CNOT10: variants seen among roughly 807,000 people sequenced by gnomAD.
CNOT10 encodes the protein CCR4-NOT transcription complex subunit 10, also known as CCR4-NOT transcription complex, subunit 10.
Under a neutral mutation model 94.6 loss-of-function variants are expected in CNOT10, and 30 were observed. The ratio of observed to expected loss-of-function variants is 0.32; its 90% CI spans 0.24 to 0.43. The LOEUF is 0.43. CNOT10 is among the 20% of genes least tolerant of loss of function. The probability of loss-of-function intolerance (pLI) is 1.00; values close to 1 mark genes in which losing one functional copy is unlikely to be tolerated. For missense variants in CNOT10, 759 were observed against 877.2 expected (o/e 0.87, Z 1.70); for synonymous variants, 289 against 301.6 (o/e 0.96, Z 0.43).
intron 1 of CNOT10, among the ~76,000 whole-genome samples, chr3:32,696,686 C>T (rs1697085741): frequency 6.6e-6 from 1 of 152,056 alleles, no homozygotes; most frequent in Admixed American, 6.6e-5. Context: ...GCAGCCTCCA[C>T]TTCCTGGGTT....
At chr3:32,737,030 A>G (rs1699218129) in intron 12 of CNOT10, among the ~76,000 whole-genome samples, 1 of 152,132 alleles carries the variant, frequency 6.6e-6, no homozygotes, top group East Asian at 1.9e-4. Flanking sequence ...GTTACATGGG[A>G]GGCCGGGCGA....
At chr3:32,708,547 A>G in intron 3 of CNOT10, 123 bp from the exon 4 acceptor site, 1 of 757,430 alleles carries the variant, frequency 1.3e-6, no homozygotes, top group Non-Finnish European at 2.1e-6. Context: ...GATACTGTTG[A>G]AAGTATGGAA....
intron 10 of CNOT10, among the ~76,000 whole-genome samples, chr3:32,731,935 AG>A (rs1358170173): frequency 6.6e-6 from 1 of 151,954 alleles, no homozygotes; most frequent in Non-Finnish European, 1.5e-5. Flanking sequence ...AAAATTAGCC[AG>A]GTTGTTGTGG....
intron 13 of CNOT10, chr3:32,753,594 G>A: frequency 1.3e-6 from 2 of 1,584,562 alleles, no homozygotes; most frequent in Non-Finnish European, 1.7e-6. Context: ...AAGGAGATGT[G>A]CCTACACCAA....
At chr3:32,703,741 G>A (rs1697479980) in intron 1 of CNOT10, 127 bp from the exon 2 acceptor site, 1 of 634,312 alleles carries the variant, frequency 1.6e-6, no homozygotes, top group Non-Finnish European at 2.8e-6. Flanking sequence ...CTTATTTCTG[G>A]AATTTTCCAT....
At chr3:32,764,649 C>T (rs1700589993) in intron 16 of CNOT10, 33 bp from the exon 17 acceptor site, 1 of 1,610,606 alleles carries the variant, frequency 6.2e-7, no homozygotes, top group Non-Finnish European at 8.5e-7. Context: ...TTGGCACGGC[C>T]TCTTCACCAG....
rs768794056 is a variant in CNOT10 at position 32,703,827 on chromosome 3, A to C, written c.23-41A>C. ...CTGGATAAGGAGGGACCACTGTACA[A>C]CTTTTATTTCTAAAGAACTGTAAAA... On this transcript the variant is annotated intron_variant, in intron 1 of 18. Transcript: ENST00000328834. The C allele has an allele frequency of 5.1e-5, 74 of 1,449,654 alleles. No homozygotes were observed. In the Middle Eastern group the frequency reaches 5.2e-4, roughly 10 times the overall value. The allele number at this position is 1,449,654 out of a possible 1,614,324, so 89.8% of individuals were successfully genotyped here. A position where few individuals can be genotyped will look rare whatever the true frequency, so the allele number is the denominator to read the frequency against.
Position 32,685,421 on chromosome 3 carries a change from C to T in CNOT10, c.-40C>T, listed in dbSNP as rs764289777. ...CCAGCCCGGCGGCGGGAGTCAGGGCCACGCCACCTGCAGGGAAGAACCCGA... is the reference window on the plus strand; with the variant it reads ...CCAGCCCGGCGGCGGGAGTCAGGGCTACGCCACCTGCAGGGAAGAACCCGA... On this transcript the variant is annotated 5_prime_UTR_variant, in exon 1 of 19. Coordinates refer to ENST00000328834, the MANE Select transcript of CNOT10 (RefSeq NM_015442.3). The T allele has an allele frequency of 6.3e-5, 97 of 1,549,746 alleles. 1 individual carries two copies. The Middle Eastern group carries it at 6.7e-4, about 11-fold the overall frequency.
intron 1 of CNOT10, 143 bp from the exon 2 acceptor site, chr3:32,703,722 TAAG>T (rs1697479228): frequency 3.3e-6 from 2 of 601,482 alleles, no homozygotes. Context: ...GTTTAAAACT[TAAG>T]AACTGCTTAT....
chr3:32,725,820 G>C (rs1370670408), intron 9 of CNOT10, among the ~76,000 whole-genome samples: 1 of 152,140 alleles, frequency 6.6e-6, no homozygotes, highest in Non-Finnish European at 1.5e-5. Flanking sequence ...AATTTAAGTT[G>C]CATTCCATTT....
intron 8 of CNOT10, among the ~76,000 whole-genome samples, chr3:32,722,950 A>G (rs1391443403): frequency 6.6e-6 from 1 of 152,114 alleles, no homozygotes; most frequent in Non-Finnish European, 1.5e-5. Flanking sequence ...AAATATTGTC[A>G]TTGCTTAATT....
intron 13 of CNOT10, 83 bp downstream of exon 13, chr3:32,737,573 C>T (rs1040489284): frequency 2.3e-6 from 2 of 866,220 alleles, no homozygotes; most frequent in Admixed American, 2.4e-5. Flanking sequence ...ACCTCTAATC[C>T]CAGCACTTTG....
chr3:32,768,583 CAAAAAA>C (rs34174567), intron 17 of CNOT10, among the ~76,000 whole-genome samples: 40 of 146,934 alleles, frequency 2.7e-4, no homozygotes, highest in Non-Finnish European at 1.3e-4. Flanking sequence ...AACTCCGTCT[CAAAAAA>C]AAAAAATCCA....
At chr3:32,754,361 C>G (rs1486628965) in intron 13 of CNOT10, among the ~76,000 whole-genome samples, 43 of 143,446 alleles carry the variant, frequency 3.0e-4, no homozygotes, top group African/African-American at 1.1e-3. Flanking sequence ...CCTGTAGTCC[C>G]AGCTACTCGG....
intron 13 of CNOT10, among the ~76,000 whole-genome samples, chr3:32,748,053 G>A (rs1011938498): frequency 2.6e-5 from 4 of 152,116 alleles, no homozygotes; most frequent in Non-Finnish European, 5.9e-5. Flanking sequence ...AACCAATCTA[G>A]TCCTAACACT....
Position 32,685,447 on chromosome 3 carries a change from G to C in CNOT10, c.-14G>C. 6.5e-7 allele frequency: 1 copy of C among 1,550,336 alleles called. No homozygotes were observed. The highest frequency in any genetic ancestry group is 2.4e-5 in the East Asian group (1 of 40,900). ...ACGCCACCTGCAGGGAAGAACCCGA[G>C]TCGAAGCGGGAAGATGGCTGCAGAC... On this transcript the variant is annotated 5_prime_UTR_variant, in exon 1 of 19. Transcript: ENST00000328834.
At chr3:32,740,165 A>T (rs1213763002) in intron 13 of CNOT10, among the ~76,000 whole-genome samples, 1 of 152,188 alleles carries the variant, frequency 6.6e-6, no homozygotes. Flanking sequence ...AACTTCTTAC[A>T]GAACTTTAGT....
intron 1 of CNOT10, 88 bp downstream of exon 1, chr3:32,685,570 G>A (rs1696560433): frequency 1.4e-6 from 2 of 1,416,614 alleles, no homozygotes; most frequent in Admixed American, 4.0e-5. Context: ...GCCCGGGGTG[G>A]GGACTCCAGG....
At chr3:32,711,666 T>A (rs1301811972) in intron 4 of CNOT10, among the ~76,000 whole-genome samples, 1 of 152,176 alleles carries the variant, frequency 6.6e-6, no homozygotes, top group Non-Finnish European at 1.5e-5. Flanking sequence ...AAAGACATTA[T>A]CCTTGCTACT....
Sources: allele counts gnomAD v4.1 joint callset (sites outside exome capture counted in the v4.1 genomes callset), GRCh38; gene constraint gnomAD v4.1.1; transcripts MANE v1.5; gene names NCBI Gene and HGNC (gene_info 2026-07-23, HGNC 2026-07-21).